PDE4D: variants seen among roughly 807,000 people sequenced by gnomAD.
PDE4D encodes 3',5'-cyclic-AMP phosphodiesterase 4D.
PDE4D carries 24 observed loss-of-function variants against 87.4 expected under a neutral mutation model. That is an observed-to-expected ratio of 0.27 (90% CI 0.20 to 0.39). The LOEUF (loss-of-function observed/expected upper bound fraction) is 0.39. PDE4D is among the 10% of genes least tolerant of loss of function. The pLI is 1.00. For missense variants in PDE4D, 714 were observed against 1,041.0 expected, an observed-to-expected ratio of 0.69 and a Z score of 4.32; for synonymous variants, 384 against 383.2, an observed-to-expected ratio of 1.00 and a Z score of -0.02.
chr5:59,612,330 C>G (rs1324092018), intron 1 of PDE4D, among the ~76,000 whole-genome samples: 3 of 150,474 alleles, frequency 2.0e-5, no homozygotes, highest in Non-Finnish European at 4.4e-5. Flanking sequence ...TTACAGATTC[C>G]AACAACCAAG....
rs181329038 is a variant in PDE4D, at chr5:60,485,606, T to C, written c.-90+2336A>G. Among the ~76,000 whole-genome samples the C allele has an allele frequency of 3.9e-5, 6 of 152,284 alleles. No individual in the cohort carries two copies. The East Asian group carries it at 1.2e-3, about 29-fold the overall frequency. On this transcript the variant is annotated intron_variant, in intron 1 of 16. Coordinates refer to the PDE4D transcript ENST00000502484. ...TCTGTCTATGGCAGATATGCATAGT[T>C]TTACAGAACCTTATCTGCAAAAGAA...
At chr5:59,176,865 GT>G (rs1446928051) in intron 5 of PDE4D, among the ~76,000 whole-genome samples, 1 of 152,166 alleles carries the variant, frequency 6.6e-6, no homozygotes, top group Non-Finnish European at 1.5e-5. Flanking sequence ...TCTGTGAATT[GT>G]GATGAGAATA....
intron 1 of PDE4D, among the ~76,000 whole-genome samples, chr5:59,541,198 T>A (rs894120273): frequency 3.3e-5 from 5 of 152,174 alleles, no homozygotes; most frequent in Admixed American, 3.3e-4. Context: ...ACAATAGTAC[T>A]CAGAAAATAG....
At chr5:59,890,688 G>C (rs1282106767) in intron 1 of PDE4D, among the ~76,000 whole-genome samples, 1 of 152,174 alleles carries the variant, frequency 6.6e-6, no homozygotes, top group Admixed American at 6.5e-5. Context: ...CTTTGATGAG[G>C]CAGGAGACTT....
chr5:59,115,054 G>A (rs1773359017), intron 5 of PDE4D, among the ~76,000 whole-genome samples: 1 of 151,828 alleles, frequency 6.6e-6, no homozygotes, highest in Non-Finnish European at 1.5e-5. Context: ...TCAAAGAGTA[G>A]GTCAAAGAAA....
intron 1 of PDE4D, among the ~76,000 whole-genome samples, chr5:60,403,295 G>T (rs1741247396): frequency 6.6e-6 from 1 of 152,166 alleles, no homozygotes; most frequent in African/African-American, 2.4e-5. Context: ...TTTCAAAATA[G>T]CAGCCAGAGC....
At chr5:59,905,531 C>A (rs76046367) in intron 3 of PDE4D, among the ~76,000 whole-genome samples, 2,299 of 152,130 alleles carry the variant, frequency 0.015, 54 homozygotes, top group East Asian at 0.086. Flanking sequence ...AGCCAGAACG[C>A]CCTGAGTTTC....
chr5:59,574,157 T>C (rs1822703480), intron 1 of PDE4D, among the ~76,000 whole-genome samples: 1 of 107,128 alleles, frequency 9.3e-6, no homozygotes, highest in Admixed American at 1.1e-4. Context: ...TATATATTTA[T>C]ATATATATAT....
chr5:59,363,224 G>A (rs1248609029), intron 1 of PDE4D, among the ~76,000 whole-genome samples: 1 of 151,936 alleles, frequency 6.6e-6, no homozygotes, highest in Non-Finnish European at 1.5e-5. Context: ...GACTGAATAG[G>A]GTAACTAACA....
chr5:59,166,657 A>T (rs528165201), intron 5 of PDE4D, among the ~76,000 whole-genome samples: 2 of 152,336 alleles, frequency 1.3e-5, no homozygotes, highest in South Asian at 2.1e-4. Flanking sequence ...GATACTTCTT[A>T]AAAAACTCTT....
intron 1 of PDE4D, among the ~76,000 whole-genome samples, chr5:59,766,128 G>A (rs1762762051): frequency 6.6e-6 from 1 of 152,184 alleles, no homozygotes; most frequent in Admixed American, 6.5e-5. Context: ...AGCACAAACT[G>A]TGAAAGCACA....
chr5:59,861,850 T>G (rs985203260), intron 1 of PDE4D, among the ~76,000 whole-genome samples: 2 of 152,196 alleles, frequency 1.3e-5, no homozygotes, highest in Admixed American at 6.5e-5. Flanking sequence ...CTGTTAAAGC[T>G]TTGTGAAATC....
At chr5:59,180,533 G>A in intron 5 of PDE4D, 62 bp downstream of exon 5, 1 of 1,366,750 alleles carries the variant, frequency 7.3e-7, no homozygotes, top group South Asian at 1.2e-5. Context: ...GTGTTATATT[G>A]ACTCTTGGCA....
At chr5:59,199,224 G>T (rs1448064573) in intron 2 of PDE4D, among the ~76,000 whole-genome samples, 1 of 151,322 alleles carries the variant, frequency 6.6e-6, no homozygotes, top group Non-Finnish European at 1.5e-5. Context: ...CTGTGAAGGA[G>T]TCACAGGCTG....
At chr5:59,527,308 C>T (rs1813340523) in intron 1 of PDE4D, among the ~76,000 whole-genome samples, 2 of 152,094 alleles carry the variant, frequency 1.3e-5, no homozygotes, top group Non-Finnish European at 2.9e-5. Flanking sequence ...TTTATAAGAT[C>T]CTTTTTTAAC....
At chr5:59,902,321 C>T (rs1324245533) in intron 3 of PDE4D, among the ~76,000 whole-genome samples, 1 of 152,100 alleles carries the variant, frequency 6.6e-6, no homozygotes, top group Non-Finnish European at 1.5e-5. Flanking sequence ...TGTTAAAATA[C>T]TTATTTTGGT....
chr5:59,854,614 T>G (rs941887018), intron 1 of PDE4D, among the ~76,000 whole-genome samples: 22 of 152,234 alleles, frequency 1.4e-4, no homozygotes, highest in African/African-American at 5.3e-4. Flanking sequence ...TTGATTTTTA[T>G]AGGTGGTTCT....
intron 1 of PDE4D, among the ~76,000 whole-genome samples, chr5:59,235,876 G>C (rs1482318706): frequency 1.3e-5 from 2 of 152,128 alleles, no homozygotes; most frequent in African/African-American, 4.8e-5. Context: ...TTAATACTTA[G>C]AGGGAGATAC....
intron 6 of PDE4D, among the ~76,000 whole-genome samples, chr5:59,027,174 C>A (rs777303807): frequency 3.0e-4 from 46 of 152,146 alleles, no homozygotes; most frequent in Non-Finnish European, 2.5e-4. Flanking sequence ...GAATATCCCT[C>A]AACTGAGATC....
Sources: allele counts gnomAD v4.1 joint callset (sites outside exome capture counted in the v4.1 genomes callset), GRCh38; gene constraint gnomAD v4.1.1; transcripts MANE v1.5; gene names NCBI Gene and HGNC (gene_info 2026-07-23, HGNC 2026-07-21).